The following SENP1 variants were observed in gnomAD, a reference collection of about 807,000 sequenced individuals.
SENP1 encodes the protein SUMO specific peptidase 1, also known as sentrin-specific protease 1.
Under a neutral mutation model 93.0 loss-of-function variants are expected in SENP1, and 21 were observed. The observed-to-expected ratio is 0.23, with a 90% CI of 0.16 to 0.33. The LOEUF (loss-of-function observed/expected upper bound fraction) is 0.33. SENP1 is among the 10% of genes least tolerant of loss of function. The pLI, the probability that SENP1 is intolerant of heterozygous loss-of-function variation, is 1.00. For synonymous variants in SENP1, 256 were observed against 259.6 expected, an observed-to-expected ratio of 0.99 and a Z score of 0.13; for missense variants, 591 against 758.7, an observed-to-expected ratio of 0.78 and a Z score of 2.60.
At chr12:48,054,815 T>A (rs1355169955) in intron 13 of SENP1, 1 of 152,296 alleles carries the variant, frequency 6.6e-6, no homozygotes, top group Non-Finnish European at 1.5e-5. Flanking sequence ...AATAGTTTCT[T>A]ACAGACAGCT....
intron 5 of SENP1, among the ~76,000 whole-genome samples, chr12:48,086,813 G>A (rs967080825): frequency 1.6e-4 from 24 of 152,272 alleles, no homozygotes; most frequent in African/African-American, 5.8e-4. Flanking sequence ...GGCCAAGGAA[G>A]GCAGATCACA....
intron 1 of SENP1, among the ~76,000 whole-genome samples, chr12:48,102,503 T>C (rs1565816484): frequency 1.4e-5 from 2 of 144,954 alleles, no homozygotes; most frequent in African/African-American, 2.6e-5. Context: ...TTAATAAACA[T>C]ATCCTCGGCA....
chr12:48,098,158 T>C (rs368675213), intron 2 of SENP1, 34 bp from the exon 3 acceptor site: 1 of 1,585,276 alleles, frequency 6.3e-7, no homozygotes. Flanking sequence ...TCAAGTCACA[T>C]AATTCTTCAA....
chr12:48,069,719 T>G lies in SENP1; in HGVS notation c.995+1948A>C, dbSNP rs182761086. ...GGAAACTGAGGTTCATAAGAGTAAC[T>G]TGTCCAAAGCTACATGAAGCCTTTT... On this transcript the variant is annotated intron_variant, in intron 9 of 17. Transcript: ENST00000549518. Among the ~76,000 whole-genome samples, 10 of 152,312 alleles carry G rather than the reference T, an allele frequency of 6.6e-5. 1 individual carries two copies. The highest frequency in any genetic ancestry group is 2.4e-4 in the African/African-American group (10 of 41,566).
rs1389566116 is a variant in SENP1 at position 48,043,275 on chromosome 12, A to G, written c.*2047T>C. The G allele has an allele frequency of 1.3e-5, 2 of 152,668 alleles. No individual in the cohort carries two copies. The highest frequency in any genetic ancestry group is 4.8e-5 in the African/African-American group (2 of 41,468). The allele number at this position is 152,668 out of a possible 1,614,324, so 9.5% of individuals were successfully genotyped here. ...TTTTCTGCTATACATGGCAATAAAT[A>G]TTTGTTGCTTTGGTCTGTACAAAGT... is the stretch of plus-strand genomic sequence containing the variant. On this transcript the variant is annotated 3_prime_UTR_variant, in exon 18 of 18. Coordinates refer to ENST00000549518, the MANE Select transcript of SENP1 (RefSeq NM_001267594.2).
chr12:48,059,516 T>TTA (rs1942816981), intron 13 of SENP1, among the ~76,000 whole-genome samples: 1 of 152,186 alleles, frequency 6.6e-6, no homozygotes, highest in Non-Finnish European at 1.5e-5. Flanking sequence ...TGGAAGATAT[T>TTA]TATAGTAACT....
chr12:48,089,471 T>C (rs559043389), intron 4 of SENP1, among the ~76,000 whole-genome samples: 18 of 152,370 alleles, frequency 1.2e-4, no homozygotes, highest in African/African-American at 3.8e-4. Flanking sequence ...TTGCTGCTTA[T>C]TCTGGTTGGC....
rs2136715406 is a variant in SENP1 at position 48,044,836 on chromosome 12, A to C, written c.*486T>G. ...GTCACATTCCTGACCATACATCGTG[A>C]AAATTGTGTGTGTGTGTGTGTTTGT... is the stretch of plus-strand genomic sequence containing the variant. On this transcript the variant is annotated 3_prime_UTR_variant, in exon 18 of 18. Coordinates refer to ENST00000549518, the MANE Select transcript of SENP1 (RefSeq NM_001267594.2). 6.4e-6 allele frequency: 1 copy of C among 157,114 alleles called. No homozygotes were observed. Among genetic ancestry groups the C allele is most frequent in the South Asian group, 2.0e-4 (1 of 5,116 alleles). The allele number at this position is 157,114 out of a possible 1,614,324, so 9.7% of individuals were successfully genotyped here.
chr12:48,058,094 C>T (rs1942695492), intron 13 of SENP1, among the ~76,000 whole-genome samples: 1 of 151,428 alleles, frequency 6.6e-6, no homozygotes, highest in African/African-American at 2.4e-5. Flanking sequence ...TACAGGCATG[C>T]ACCACCATGC....
chr12:48,066,432 T>C (rs80160494), intron 10 of SENP1, among the ~76,000 whole-genome samples: 2 of 152,324 alleles, frequency 1.3e-5, no homozygotes, highest in East Asian at 3.9e-4. Context: ...TTGTTATAGA[T>C]TTAATAAACA....
chr12:48,098,292 A>G (rs1173735218), intron 2 of SENP1, among the ~76,000 whole-genome samples, 168 bp from the exon 3 acceptor site: 1 of 150,170 alleles, frequency 6.7e-6, no homozygotes, highest in Admixed American at 6.6e-5. Flanking sequence ...TTTGAGGCCA[A>G]AAGTTCAAGA....
At chr12:48,086,258 T>C (rs914433252) in intron 5 of SENP1, among the ~76,000 whole-genome samples, 2 of 152,210 alleles carry the variant, frequency 1.3e-5, no homozygotes, top group Non-Finnish European at 2.9e-5. Flanking sequence ...AGGAAACACA[T>C]TTCAGGGACT....
intron 9 of SENP1, among the ~76,000 whole-genome samples, chr12:48,069,617 A>T (rs1005580482): frequency 2.0e-5 from 3 of 152,226 alleles, no homozygotes; most frequent in African/African-American, 7.2e-5. Flanking sequence ...TGAAGCACTT[A>T]TAAAAATAAG....
At chr12:48,093,161 CAT>C (rs371848616) in intron 4 of SENP1, among the ~76,000 whole-genome samples, 14 of 151,710 alleles carry the variant, frequency 9.2e-5, no homozygotes, top group African/African-American at 3.2e-4. Context: ...TGTAATCAAA[CAT>C]GTTATCTACA....
At chr12:48,065,843 T>A (rs1435605060) in intron 10 of SENP1, among the ~76,000 whole-genome samples, 163 bp from the exon 11 acceptor site, 1 of 152,180 alleles carries the variant, frequency 6.6e-6, no homozygotes, top group African/African-American at 2.4e-5. Flanking sequence ...AACCACATAA[T>A]GTTACTGAAA....
intron 2 of SENP1, chr12:48,099,290 T>A (rs1945764370): frequency 6.6e-6 from 1 of 152,106 alleles, no homozygotes; most frequent in African/African-American, 2.4e-5. Flanking sequence ...ACAGAGTCAC[T>A]GCACTCCAGC....
At chr12:48,101,870 C>A (rs184132930) in intron 1 of SENP1, among the ~76,000 whole-genome samples, 3 of 152,268 alleles carry the variant, frequency 2.0e-5, no homozygotes, top group Admixed American at 2.0e-4. Flanking sequence ...AAATTCTTCC[C>A]AATCCATTGT....
At chr12:48,096,314 G>A in intron 4 of SENP1, 29 bp downstream of exon 4, 1 of 1,325,796 alleles carries the variant, frequency 7.5e-7, no homozygotes, top group East Asian at 2.3e-5. Context: ...AAGGTATAAA[G>A]TCCCTTGACT....
chr12:48,094,477 C>T (rs1350880057), intron 4 of SENP1, among the ~76,000 whole-genome samples: 1 of 151,948 alleles, frequency 6.6e-6, no homozygotes, highest in African/African-American at 2.4e-5. Context: ...GTCAGGAGTT[C>T]GAGAACAACC....
Sources: gnomAD v4.1 joint callset for allele counts (sites outside exome capture counted in the v4.1 genomes callset) on GRCh38, gnomAD v4.1.1 for gene constraint, MANE v1.5 for transcripts, NCBI Gene and HGNC (gene_info 2026-07-23, HGNC 2026-07-21) for gene names.